The following ZNF618 variants were observed in gnomAD, a reference collection of about 807,000 sequenced individuals.
ZNF618 encodes neural precursor cell expressed, developmentally down-regulated 10.
A neutral mutation model predicts 103.0 loss-of-function variants in ZNF618; 34 were observed. The ratio of observed to expected loss-of-function variants is 0.33; its 90% confidence interval spans 0.25 to 0.44. ZNF618 has a LOEUF of 0.44. Among genes scored for constraint, ZNF618 ranks in the 20% least tolerant of loss-of-function variants. ZNF618 has a pLI of 1.00. For synonymous variants in ZNF618, 551 were observed against 542.2 expected (o/e 1.02, Z -0.23); for missense variants, 1,059 against 1,295.4 (o/e 0.82, Z 2.80).
At chr9:114,042,964 T>C (rs537618812) in intron 13 of ZNF618, among the ~76,000 whole-genome samples, 1 of 152,360 alleles carries the variant, frequency 6.6e-6, no homozygotes, top group East Asian at 1.9e-4. Flanking sequence ...TTAGTGGATT[T>C]TATTATATAT....
In ZNF618 at chr9:114,054,099, A is replaced by T. The variant is rs970451086; in HGVS notation, c.*3932A>T. On this transcript the variant is annotated 3_prime_UTR_variant, in exon 15 of 15. Coordinates refer to ENST00000374126, the MANE Select transcript of ZNF618 (RefSeq NM_001318042.2). The stretch of plus-strand genomic sequence containing the variant: ...TGACCCTTTATCTCCTGCACTTTTA[A>T]AGAAACACCAGAGAAAAAATCTACA... 2 of 152,566 alleles carry T rather than the reference A, an allele frequency of 1.3e-5. No homozygotes were observed. The highest frequency in any genetic ancestry group is 4.8e-5 in the African/African-American group (2 of 41,436). The allele number at this position is 152,566 out of a possible 1,614,324, so 9.5% of individuals were successfully genotyped here.
rs1283536097 is a variant in ZNF618, at chr9:113,994,576, AGCCACCGT to A, written c.338-3681_338-3674del. Among the ~76,000 whole-genome samples the A allele has an allele frequency of 3.3e-5, 5 of 152,334 alleles. No individual in the cohort carries two copies. The East Asian group carries it at 9.6e-4, about 29-fold the overall frequency. ...TTGAATAAGCCCCTTAACTTCTCTA[AGCCACCGT>A]GTCTTGAATGGTCAGTAGGTAGAAT... On this transcript the variant is annotated intron_variant, in intron 3 of 14. Coordinates refer to ENST00000374126, the MANE Select transcript of ZNF618 (RefSeq NM_001318042.2).
At chr9:113,951,577 A>ATATG (rs1554733167) in intron 1 of ZNF618, among the ~76,000 whole-genome samples, 3 of 49,148 alleles carry the variant, frequency 6.1e-5, no homozygotes, top group African/African-American at 1.9e-4. Flanking sequence ...GTGTGTGTAT[A>ATATG]TGTGTGTGTG....
intron 1 of ZNF618, among the ~76,000 whole-genome samples, chr9:113,926,112 G>A (rs1253026013): frequency 1.4e-5 from 2 of 147,952 alleles, no homozygotes; most frequent in African/African-American, 4.9e-5. Flanking sequence ...CTTCATGTTG[G>A]TAGGATAATT....
chr9:113,987,760 G>A (rs1438428238), intron 2 of ZNF618, among the ~76,000 whole-genome samples: 4 of 152,228 alleles, frequency 2.6e-5, no homozygotes, highest in Admixed American at 1.3e-4. Context: ...TCGGGAGGCC[G>A]AGGTGGGAGG....
chr9:113,973,091 A>T (rs762106403), intron 2 of ZNF618, among the ~76,000 whole-genome samples: 48 of 152,188 alleles, frequency 3.2e-4, no homozygotes, highest in East Asian at 1.2e-3. Flanking sequence ...AAAAAGAGAG[A>T]ACATTGTCAG....
intron 6 of ZNF618, among the ~76,000 whole-genome samples, chr9:114,005,263 A>C (rs1841632646): frequency 1.3e-5 from 2 of 152,212 alleles, no homozygotes; most frequent in Non-Finnish European, 2.9e-5. Flanking sequence ...AGAGACACCG[A>C]GCTCTCGTGT....
At chr9:113,933,259 G>T (rs946640199) in intron 1 of ZNF618, among the ~76,000 whole-genome samples, 1 of 152,186 alleles carries the variant, frequency 6.6e-6, no homozygotes, top group Non-Finnish European at 1.5e-5. Context: ...TTTTGAGTTT[G>T]CTCTAAAGAG....
intron 5 of ZNF618, among the ~76,000 whole-genome samples, chr9:114,002,282 C>T (rs7849443): frequency 0.01 from 1,561 of 152,280 alleles, 29 homozygotes; most frequent in East Asian, 0.044. Context: ...GAGGGGGACT[C>T]TGCAGGACAC....
chr9:113,926,867 G>T (rs1193376084), intron 1 of ZNF618, among the ~76,000 whole-genome samples: 1 of 152,150 alleles, frequency 6.6e-6, no homozygotes, highest in South Asian at 2.1e-4. Context: ...ACAAAAATTA[G>T]CTGAGTATGG....
intron 3 of ZNF618, among the ~76,000 whole-genome samples, chr9:113,991,951 G>T (rs1305648268): frequency 6.6e-6 from 1 of 152,194 alleles, no homozygotes; most frequent in Non-Finnish European, 1.5e-5. Context: ...CTTGCATGCT[G>T]GAAGTCAGGC....
At chr9:113,960,265 T>C (rs814691) in intron 1 of ZNF618, among the ~76,000 whole-genome samples, 9,165 of 152,302 alleles carry the variant, frequency 0.06, 372 homozygotes, top group African/African-American at 0.12. Flanking sequence ...GTGGGCTCTC[T>C]GTGCTGGCTA....
intron 1 of ZNF618, among the ~76,000 whole-genome samples, chr9:113,953,028 A>G (rs895942576): frequency 7.9e-5 from 12 of 152,256 alleles, no homozygotes; most frequent in Admixed American, 5.2e-4. Flanking sequence ...TAGCAGTCAT[A>G]TATCTATTGT....
intron 10 of ZNF618, among the ~76,000 whole-genome samples, chr9:114,023,750 T>C (rs1309820329): frequency 6.6e-6 from 1 of 152,098 alleles, no homozygotes; most frequent in Non-Finnish European, 1.5e-5. Context: ...GGCTGATAAA[T>C]TTTTTTATGT....
Position 114,031,839 on chromosome 9 carries a change from A to G in ZNF618, c.1085-806A>G, listed in dbSNP as rs73558319. The stretch of plus-strand genomic sequence containing the variant: ...TCTGGGATCGTCCGGCATCCCCCTC[A>G]TGCCTAGAGCACCTTGGAAAAGCTG... On this transcript the variant is annotated intron_variant, in intron 11 of 14. Coordinates refer to ENST00000374126, the MANE Select transcript of ZNF618 (RefSeq NM_001318042.2). Among the ~76,000 whole-genome samples the G allele has an allele frequency of 6.5e-3, 974 of 150,062 alleles. 11 individuals are homozygous for G. Among genetic ancestry groups the G allele is most frequent in the African/African-American group, 0.022 (896 of 40,618 alleles).
intron 10 of ZNF618, among the ~76,000 whole-genome samples, chr9:114,024,873 C>G (rs1240503524): frequency 6.6e-6 from 1 of 152,142 alleles, no homozygotes; most frequent in Non-Finnish European, 1.5e-5. Context: ...ATTCTCTCTT[C>G]TTTGTTAATT....
chr9:113,959,158 G>A (rs1341669795), intron 1 of ZNF618, among the ~76,000 whole-genome samples: 3 of 151,964 alleles, frequency 2.0e-5, no homozygotes, highest in Non-Finnish European at 4.4e-5. Flanking sequence ...GCGTCGTGGC[G>A]CATGCCTGTA....
At chr9:113,897,570 C>G (rs1240415501) in intron 1 of ZNF618, among the ~76,000 whole-genome samples, 1 of 152,158 alleles carries the variant, frequency 6.6e-6, no homozygotes, top group Non-Finnish European at 1.5e-5. Context: ...CCATATGTCC[C>G]ATTGGTCTCA....
At chr9:113,884,898 G>C (rs1408736220) in intron 1 of ZNF618, among the ~76,000 whole-genome samples, 1 of 152,100 alleles carries the variant, frequency 6.6e-6, no homozygotes, top group Non-Finnish European at 1.5e-5. Flanking sequence ...AAAAGCCTCA[G>C]ATTTCTTCAC....
Sources: gnomAD v4.1 joint callset for allele counts (sites outside exome capture counted in the v4.1 genomes callset) on GRCh38, gnomAD v4.1.1 for gene constraint, MANE v1.5 for transcripts, NCBI Gene and HGNC (gene_info 2026-07-23, HGNC 2026-07-21) for gene names.